The following COL25A1 variants were observed in gnomAD, a reference collection of about 807,000 sequenced individuals.
The protein encoded by COL25A1 is collagen alpha-1(XXV) chain.
A neutral mutation model predicts 128.4 loss-of-function variants in COL25A1; 103 were observed. The observed-to-expected ratio is 0.80, with a 90% CI of 0.68 to 0.94. The LOEUF (loss-of-function observed/expected upper bound fraction) is 0.94, where lower values mean the gene tolerates loss of function less well. Among genes scored for constraint, COL25A1 ranks in the 40% least tolerant of loss-of-function variants. The pLI is 0.00. For synonymous variants in COL25A1, 279 were observed against 277.2 expected (o/e 1.01, Z -0.06); for missense variants, 745 against 840.0 (o/e 0.89, Z 1.40).
Position 109,137,984 on chromosome 4 carries a change from A to ATATGTGTG in COL25A1, c.368-87806_368-87805insCACACATA, listed in dbSNP as rs547874075. 8.0e-3 allele frequency among the ~76,000 whole-genome samples: 1,135 copies of ATATGTGTG among 142,568 alleles called. 8 individuals are homozygous for ATATGTGTG. Among genetic ancestry groups the ATATGTGTG allele is most frequent in the African/African-American group, 9.9e-3 (386 of 39,140 alleles). The allele number at this position is 142,568 out of a possible 152,430, so 93.5% of individuals were successfully genotyped here. ...AACAGAAATTTCATTTTATATATATATGTGTGTGTGTGTGTGTGTGTGTGT... is the reference window on the plus strand; with the variant it reads ...AACAGAAATTTCATTTTATATATATATATGTGTGTGTGTGTGTGTGTGTGTGTGTGTGT... On this transcript the variant is annotated intron_variant, in intron 3 of 37. Coordinates refer to ENST00000399132, the MANE Select transcript of COL25A1 (RefSeq NM_198721.4).
chr4:109,170,418 T>G (rs546817947), intron 3 of COL25A1, among the ~76,000 whole-genome samples: 24 of 152,288 alleles, frequency 1.6e-4, no homozygotes, highest in African/African-American at 5.5e-4. Context: ...CACACATCTT[T>G]TCAGGAGTTT....
intron 3 of COL25A1, among the ~76,000 whole-genome samples, chr4:109,057,421 ATTTTTT>A (rs776941019): frequency 8.4e-4 from 17 of 20,238 alleles, no homozygotes; most frequent in African/African-American, 1.0e-3. Context: ...TGCCTAGCTA[ATTTTTT>A]TTTTTTTTTT....
intron 26 of COL25A1, among the ~76,000 whole-genome samples, chr4:108,850,243 T>A (rs1735610924): frequency 6.6e-6 from 1 of 152,046 alleles, no homozygotes; most frequent in Non-Finnish European, 1.5e-5. Flanking sequence ...AATCAAACAA[T>A]TCTTGTGTGA....
rs1481670483 is a variant in COL25A1 at position 109,097,467 on chromosome 4, G to GC, written c.368-47289dup. ...AAAAAAAAAAAAACCACAAAAATTAGCCAGGCTTGGTCACACGCACCTGTA... is the reference window on the plus strand; with the variant it reads ...AAAAAAAAAAAAACCACAAAAATTAGCCCAGGCTTGGTCACACGCACCTGTA... On this transcript the variant is annotated intron_variant, in intron 3 of 37. Coordinates refer to ENST00000399132, the MANE Select transcript of COL25A1 (RefSeq NM_198721.4). 1.9e-4 allele frequency among the ~76,000 whole-genome samples: 28 copies of GC among 148,568 alleles called. No individual in the cohort carries two copies. The South Asian group carries it at 5.8e-3, about 31-fold the overall frequency.
intron 11 of COL25A1, among the ~76,000 whole-genome samples, chr4:108,921,867 C>T (rs1277463888): frequency 6.6e-6 from 1 of 152,112 alleles, no homozygotes; most frequent in Admixed American, 6.6e-5. Context: ...CAGACATTCT[C>T]CCTACTTATC....
Position 108,862,411 on chromosome 4 carries a change from A to C in COL25A1, c.1197+90T>G, listed in dbSNP as rs1737349190. The C allele has an allele frequency of 5.2e-6, 5 of 966,358 alleles. No homozygotes were observed. The Admixed American group carries it at 8.8e-5, about 17-fold the overall frequency. 59.9% of individuals were successfully genotyped at this position (966,358 alleles called of 1,614,324 possible). ...CCACTGTGTGAAAGAGTTTAATCTA[A>C]AACATGAAAAACATGCCTCTGTGGC... On this transcript the variant is annotated intron_variant, in intron 22 of 37. Coordinates refer to ENST00000399132, the MANE Select transcript of COL25A1 (RefSeq NM_198721.4).
intron 8 of COL25A1, among the ~76,000 whole-genome samples, chr4:108,945,565 G>C (rs1578850710): frequency 1.3e-5 from 2 of 152,234 alleles, no homozygotes; most frequent in Middle Eastern, 6.8e-3. Context: ...AAATTTGCCT[G>C]GTACACAGAT....
intron 3 of COL25A1, among the ~76,000 whole-genome samples, chr4:109,092,123 C>T (rs965156669): frequency 6.6e-6 from 1 of 152,006 alleles, no homozygotes; most frequent in Admixed American, 6.6e-5. Context: ...TATCTGCGAC[C>T]CAGGGAAAGT....
At chr4:109,269,497 G>A (rs552415881) in intron 3 of COL25A1, among the ~76,000 whole-genome samples, 41 of 149,252 alleles carry the variant, frequency 2.7e-4, no homozygotes, top group African/African-American at 9.8e-4. Context: ...AGATCCCTGA[G>A]GAATCGCCAC....
chr4:109,000,115 C>A (rs1755201291), intron 6 of COL25A1, among the ~76,000 whole-genome samples: 1 of 149,672 alleles, frequency 6.7e-6, no homozygotes. Context: ...TAAAGTATAA[C>A]AATAAAAAAA....
At chr4:108,823,087 T>C (rs1226295626) in intron 35 of COL25A1, among the ~76,000 whole-genome samples, 1 of 152,228 alleles carries the variant, frequency 6.6e-6, no homozygotes, top group Non-Finnish European at 1.5e-5. Flanking sequence ...TTAATAATCT[T>C]CTTTCTTTCA....
In COL25A1 at chr4:108,879,862, G is replaced by A. The variant is rs141460428; in HGVS notation, c.1020+4316C>T. Among the ~76,000 whole-genome samples the A allele has an allele frequency of 7.9e-3, 1,201 of 152,012 alleles. 12 individuals carry two copies. Among genetic ancestry groups the A allele is most frequent in the African/African-American group, 0.027 (1,116 of 41,444 alleles). The stretch of plus-strand genomic sequence containing the variant: ...CTTGCTCCATCGCCCAGGCTGGAGC[G>A]CAGTGGCATGATCTTGGCTCACTGC... On this transcript the variant is annotated intron_variant, in intron 19 of 37. Transcript: ENST00000399132.
intron 3 of COL25A1, among the ~76,000 whole-genome samples, chr4:109,067,339 T>C (rs1278775902): frequency 6.6e-6 from 1 of 152,178 alleles, no homozygotes; most frequent in Non-Finnish European, 1.5e-5. Context: ...ACTTTTTGAA[T>C]GTATATAATG....
chr4:108,942,531 C>A (rs138470531), intron 8 of COL25A1, among the ~76,000 whole-genome samples: 1 of 152,136 alleles, frequency 6.6e-6, no homozygotes, highest in African/African-American at 2.4e-5. Context: ...GCAACCTCCA[C>A]CTCCCAGGTT....
chr4:109,135,261 G>A (rs539638858), intron 3 of COL25A1, among the ~76,000 whole-genome samples: 31 of 152,190 alleles, frequency 2.0e-4, no homozygotes, highest in African/African-American at 7.5e-4. Context: ...AGTAGGAATT[G>A]AGGGAATGAC....
At chr4:109,125,746 C>T (rs1384047663) in intron 3 of COL25A1, among the ~76,000 whole-genome samples, 2 of 152,064 alleles carry the variant, frequency 1.3e-5, no homozygotes, top group East Asian at 3.8e-4. Context: ...TGGCACAACT[C>T]CTGTAGGAAA....
chr4:108,983,781 G>T (rs767282759), intron 6 of COL25A1, among the ~76,000 whole-genome samples: 1 of 151,566 alleles, frequency 6.6e-6, no homozygotes, highest in Non-Finnish European at 1.5e-5. Flanking sequence ...CTGTGGGTTC[G>T]TGGTCTCGCT....
intron 6 of COL25A1, among the ~76,000 whole-genome samples, chr4:108,994,147 G>A (rs1450094875): frequency 2.0e-5 from 3 of 152,204 alleles, no homozygotes; most frequent in Non-Finnish European, 4.4e-5. Flanking sequence ...GAAGCAGGGA[G>A]GGGCATCGCC....
chr4:108,988,371 A>C (rs2113971), intron 6 of COL25A1, among the ~76,000 whole-genome samples: 120,968 of 152,094 alleles, frequency 0.8, 49,280 homozygotes, highest in East Asian at 1. Context: ...TAAAAAAGAC[A>C]CAGATATCTG....
Sources: allele counts gnomAD v4.1 joint callset (sites outside exome capture counted in the v4.1 genomes callset), GRCh38; gene constraint gnomAD v4.1.1; transcripts MANE v1.5; gene names NCBI Gene and HGNC (gene_info 2026-07-23, HGNC 2026-07-21).